The following BRMS1L variants were observed in gnomAD, a reference collection of about 807,000 sequenced individuals.
BRMS1L encodes the protein breast cancer metastasis-suppressor 1-like protein.
In BRMS1L, 23 loss-of-function variants were observed where a neutral mutation model predicts 50.3. The observed-to-expected ratio is 0.46, with a 90% CI of 0.33 to 0.65. BRMS1L has a LOEUF of 0.65. Ranked by LOEUF, BRMS1L falls within the 30% of genes least tolerant of loss-of-function variation. The pLI is 0.02. For synonymous variants in BRMS1L, 114 were observed against 126.9 expected, an observed-to-expected ratio of 0.90 and a Z score of 0.69; for missense variants, 286 against 386.1, an observed-to-expected ratio of 0.74 and a Z score of 2.17.
chr14:35,856,132 T>C lies in BRMS1L; in HGVS notation c.442-6458T>C, dbSNP rs145274498. On this transcript the variant is annotated intron_variant, in intron 4 of 9. Transcript: ENST00000216807. ...CCAATTGTCAGAATAAAAGTTTGTT[T>C]AGCAGCAGATAGAGAGGAGGGGCAG... Among the ~76,000 whole-genome samples, 369 of 152,292 alleles carry C rather than the reference T, an allele frequency of 2.4e-3. 2 individuals carry two copies. Among genetic ancestry groups the C allele is most frequent in the Admixed American group, 4.6e-3 (70 of 15,296 alleles).
At chr14:35,834,806 A>G in intron 3 of BRMS1L, 38 bp from the exon 4 acceptor site, 1 of 1,380,388 alleles carries the variant, frequency 7.2e-7, no homozygotes, top group Non-Finnish European at 9.7e-7. Context: ...GGAACTTCTC[A>G]TTGCTAACAT....
intron 4 of BRMS1L, among the ~76,000 whole-genome samples, chr14:35,855,018 G>A (rs1235905010): frequency 6.6e-6 from 1 of 152,226 alleles, no homozygotes; most frequent in African/African-American, 2.4e-5. Flanking sequence ...TTTCCCTCAG[G>A]TGGATCTTTT....
At chr14:35,865,600 T>C (rs2078409603) in intron 7 of BRMS1L, 122 bp from the exon 8 acceptor site, 2 of 749,946 alleles carry the variant, frequency 2.7e-6, no homozygotes, top group African/African-American at 3.6e-5. Context: ...CTAATGGTTA[T>C]ACTTTACTGT....
At chr14:35,842,564 T>G (rs1438290067) in intron 4 of BRMS1L, among the ~76,000 whole-genome samples, 5 of 152,234 alleles carry the variant, frequency 3.3e-5, no homozygotes, top group Admixed American at 3.3e-4. Context: ...TCTGATGGGC[T>G]TCCCTTTGTG....
chr14:35,828,472 T>A (rs1486301346), intron 1 of BRMS1L, among the ~76,000 whole-genome samples: 1 of 86,142 alleles, frequency 1.2e-5, no homozygotes, highest in Non-Finnish European at 2.3e-5. Context: ...ATTCCCAGCC[T>A]TTTTTTTTTT....
Position 35,831,475 on chromosome 14 carries a change from A to G in BRMS1L, c.208A>G (p.Lys70Glu). 6.2e-7 allele frequency: 1 copy of G among 1,613,870 alleles called. No individual in the cohort carries two copies. The highest frequency in any genetic ancestry group is 8.5e-7 in the Non-Finnish European group (1 of 1,179,774). ...ECLDEMSNLEKQFTDLKDQLY... is the reference protein window; with the variant it reads ...ECLDEMSNLEEQFTDLKDQLY... ...TTTGGATGAAATGTCCAATCTTGAA[A>G]AACAGTTTACCGATCTCAAAGATCA... Residue 70 changes from lysine (K) to glutamate (E), a missense_variant, in exon 2 of 10, where the codon AAA becomes GAA. Transcript: ENST00000216807.
At chr14:35,828,572 C>G (rs2077877627) in intron 1 of BRMS1L, among the ~76,000 whole-genome samples, 1 of 148,774 alleles carries the variant, frequency 6.7e-6, no homozygotes, top group Non-Finnish European at 1.5e-5. Flanking sequence ...CTCCAGGGTA[C>G]AAGCAATTCT....
intron 3 of BRMS1L, among the ~76,000 whole-genome samples, chr14:35,833,574 C>T (rs1220866057): frequency 2.0e-5 from 3 of 151,748 alleles, no homozygotes. Flanking sequence ...TTAATTTTTC[C>T]TTTTTACTTT....
In BRMS1L at chr14:35,871,383, G is replaced by A. The variant is rs187296989; in HGVS notation, c.*906G>A. On this transcript the variant is annotated 3_prime_UTR_variant, in exon 10 of 10. Coordinates refer to ENST00000216807, the MANE Select transcript of BRMS1L (RefSeq NM_032352.4). ...CAAAGTAGACAGGGATTATTTCCTT[G>A]AATCTATTTCCAAATTAATATTTTT... 3 of 152,678 alleles carry A rather than the reference G, an allele frequency of 2.0e-5. No homozygotes were observed. Among genetic ancestry groups the A allele is most frequent in the East Asian group, 3.9e-4 (2 of 5,192 alleles). 9.5% of individuals were successfully genotyped at this position (152,678 alleles called of 1,614,324 possible). A position where few individuals can be genotyped will look rare whatever the true frequency, so the allele number is the denominator to read the frequency against.
At chr14:35,832,709 C>G (rs1302225695) in intron 2 of BRMS1L, among the ~76,000 whole-genome samples, 1 of 152,160 alleles carries the variant, frequency 6.6e-6, no homozygotes, top group African/African-American at 2.4e-5. Context: ...CAAAAACAAA[C>G]ATTAATAGTG....
intron 1 of BRMS1L, among the ~76,000 whole-genome samples, chr14:35,829,638 T>C (rs1017275676): frequency 3.3e-5 from 5 of 152,198 alleles, no homozygotes; most frequent in South Asian, 2.1e-4. Flanking sequence ...AGAACTTGGA[T>C]AGTGAGTCAT....
chr14:35,831,369 A>G (rs749844660), intron 1 of BRMS1L, 41 bp from the exon 2 acceptor site: 2 of 1,453,066 alleles, frequency 1.4e-6, no homozygotes, highest in East Asian at 2.3e-5. Context: ...GATAAATTTG[A>G]AAATTAAGTT....
At chr14:35,830,189 C>A (rs1567298259) in intron 1 of BRMS1L, among the ~76,000 whole-genome samples, 1 of 152,224 alleles carries the variant, frequency 6.6e-6, no homozygotes, top group Non-Finnish European at 1.5e-5. Flanking sequence ...CCTGCCTCAA[C>A]CTCCCAGGTA....
At chr14:35,831,340 G>A in intron 1 of BRMS1L, 70 bp from the exon 2 acceptor site, 2 of 1,049,266 alleles carry the variant, frequency 1.9e-6, no homozygotes, top group Admixed American at 3.7e-5. Flanking sequence ...ATTACGTTCA[G>A]ATATATTTGA....
At chr14:35,833,411 A>G (rs1049696285) in intron 3 of BRMS1L, among the ~76,000 whole-genome samples, 1 of 152,088 alleles carries the variant, frequency 6.6e-6, no homozygotes, top group Non-Finnish European at 1.5e-5. Context: ...GACTGTTACT[A>G]TCACATTTTA....
At position 35,863,494 on chromosome 14, in the gene BRMS1L, T is replaced by C. The variant is rs149353431; in HGVS notation, c.539-376T>C. On this transcript the variant is annotated intron_variant, in intron 5 of 9. Coordinates refer to ENST00000216807, the MANE Select transcript of BRMS1L (RefSeq NM_032352.4). The stretch of plus-strand genomic sequence containing the variant: ...CCCTCACCTACTAGTCTGGTGACCA[T>C]GGACAGTTACTTCACTTTTCTAAAT... 4.9e-3 allele frequency among the ~76,000 whole-genome samples: 748 copies of C among 152,292 alleles called. 1 individual carries two copies. The highest frequency in any genetic ancestry group is 0.016 in the African/African-American group (684 of 41,564).
At chr14:35,853,018 A>ATC (rs1425702944) in intron 4 of BRMS1L, among the ~76,000 whole-genome samples, 139 of 146,770 alleles carry the variant, frequency 9.5e-4, no homozygotes, top group South Asian at 8.6e-3. Flanking sequence ...ATCTATCTAT[A>ATC]TATAGAGAGA....
At chr14:35,848,328 A>C (rs2078163376) in intron 4 of BRMS1L, among the ~76,000 whole-genome samples, 2 of 152,100 alleles carry the variant, frequency 1.3e-5, no homozygotes. Context: ...AGTATACAAT[A>C]CATTATTATT....
At chr14:35,829,102 C>T (rs542943588) in intron 1 of BRMS1L, among the ~76,000 whole-genome samples, 40 of 151,986 alleles carry the variant, frequency 2.6e-4, no homozygotes, top group East Asian at 1.2e-3. Flanking sequence ...CCAACACACC[C>T]GGCTAATTTT....
Sources: gnomAD v4.1 joint callset for allele counts (sites outside exome capture counted in the v4.1 genomes callset) on GRCh38, gnomAD v4.1.1 for gene constraint, MANE v1.5 for transcripts, NCBI Gene and HGNC (gene_info 2026-07-23, HGNC 2026-07-21) for gene names.